EYS: variants seen among roughly 807,000 people sequenced by gnomAD.
EYS encodes the protein protein eyes shut homolog.
In EYS, 250 loss-of-function variants were observed where a neutral mutation model predicts 282.1. The ratio of observed to expected loss-of-function variants is 0.89; its 90% confidence interval spans 0.80 to 0.98. The LOEUF is 0.98. EYS is among the 50% of genes least tolerant of loss of function. The probability of loss-of-function intolerance (pLI) is 0.00; values close to 1 mark genes in which losing one functional copy is unlikely to be tolerated. For synonymous variants in EYS, 1,355 were observed against 1,282.9 expected, an observed-to-expected ratio of 1.06 and a Z score of -1.20; for missense variants, 4,016 against 3,709.0, an observed-to-expected ratio of 1.08 and a Z score of -2.15.
chr6:65,295,979 T>C lies in EYS; in HGVS notation c.1907A>G (p.Glu636Gly). The C allele has an allele frequency of 6.4e-7, 1 of 1,551,326 alleles. No individual in the cohort carries two copies. Among genetic ancestry groups the C allele is most frequent in the South Asian group, 1.2e-5 (1 of 84,052 alleles). The change falls in exon 12 of 43, where the codon GAA (glutamate) becomes GGA (glycine). Residue 636 changes from glutamate to glycine, a missense_variant. Glu to Gly is a moderately conservative substitution (Grantham distance 98). Coordinates refer to ENST00000503581, the MANE Select transcript of EYS (RefSeq NM_001142800.2). ...AGTATCTATCTCACAGATGTTCCTTTCATATCTTTGCAGACCGCTACAGTT... is the reference window on the plus strand; with the variant it reads ...AGTATCTATCTCACAGATGTTCCTTCCATATCTTTGCAGACCGCTACAGTT... Reference protein sequence around the residue: ...NCNCSGLQRYERNICEIDTED... With the variant: ...NCNCSGLQRYGRNICEIDTED...
intron 41 of EYS, among the ~76,000 whole-genome samples, chr6:63,762,186 C>T (rs969565239): frequency 1.3e-5 from 2 of 151,618 alleles, no homozygotes; most frequent in African/African-American, 4.8e-5. Flanking sequence ...CTTGACTTAA[C>T]TGCATTTAGC....
rs139390911 is a variant in EYS at position 65,253,575 on chromosome 6, C to T, written c.2023+42288G>A. ...CATAAGACTGAGATATTTTATAAGT[C>T]ATATACATATTATTGTGAATGACAT... On this transcript the variant is annotated intron_variant, in intron 12 of 42. Transcript: ENST00000503581. Among the ~76,000 whole-genome samples, 180 of 151,812 alleles carry T rather than the reference C, an allele frequency of 1.2e-3. 1 individual carries two copies. Among genetic ancestry groups the T allele is most frequent in the Middle Eastern group, 6.8e-3 (2 of 292 alleles).
At chr6:65,083,192 C>T (rs1561956948) in intron 12 of EYS, among the ~76,000 whole-genome samples, 1 of 151,970 alleles carries the variant, frequency 6.6e-6, no homozygotes, top group African/African-American at 2.4e-5. Flanking sequence ...GTATTAGACT[C>T]ACGAACCTTT....
chr6:64,497,979 A>G (rs1212525902), intron 26 of EYS, among the ~76,000 whole-genome samples: 1 of 152,126 alleles, frequency 6.6e-6, no homozygotes, highest in African/African-American at 2.4e-5. Flanking sequence ...AAGGAAAACC[A>G]AACACACCAA....
chr6:63,979,942 C>T (rs1289979123), intron 35 of EYS, among the ~76,000 whole-genome samples: 1 of 151,894 alleles, frequency 6.6e-6, no homozygotes, highest in Non-Finnish European at 1.5e-5. Flanking sequence ...TTCCTTAATA[C>T]TTTTCAACAT....
chr6:64,839,018 T>C (rs1765479020), intron 19 of EYS, among the ~76,000 whole-genome samples: 1 of 152,076 alleles, frequency 6.6e-6, no homozygotes, highest in African/African-American at 2.4e-5. Context: ...GGCTTAATTT[T>C]ACCTACTTCT....
chr6:63,778,757 C>G (rs1011261860), intron 39 of EYS, among the ~76,000 whole-genome samples: 5 of 152,014 alleles, frequency 3.3e-5, no homozygotes, highest in Non-Finnish European at 5.9e-5. Flanking sequence ...TGAAGTATGC[C>G]TAAGTGTCCC....
At chr6:63,737,836 TCTGA>T (rs1489817776) in intron 41 of EYS, among the ~76,000 whole-genome samples, 1 of 152,122 alleles carries the variant, frequency 6.6e-6, no homozygotes, top group Admixed American at 6.6e-5. Flanking sequence ...AACCTACTCA[TCTGA>T]CTAAGGGCTA....
At chr6:64,494,379 T>G (rs951323901) in intron 26 of EYS, among the ~76,000 whole-genome samples, 19 of 151,690 alleles carry the variant, frequency 1.3e-4, no homozygotes, top group African/African-American at 4.3e-4. Context: ...CTACTTTCTC[T>G]GAGGCATCTT....
intron 31 of EYS, among the ~76,000 whole-genome samples, chr6:64,197,868 G>T (rs1048935340): frequency 2.6e-5 from 4 of 151,494 alleles, no homozygotes; most frequent in Admixed American, 2.6e-4. Flanking sequence ...GCTGGGCTTT[G>T]ACTCTTAATG....
intron 22 of EYS, among the ~76,000 whole-genome samples, chr6:64,800,052 GA>G (rs879900589): frequency 2.8e-4 from 43 of 151,950 alleles, no homozygotes; most frequent in Non-Finnish European, 4.7e-4. Context: ...CTGCTGAACT[GA>G]AAAATTTTGG....
intron 28 of EYS, among the ~76,000 whole-genome samples, chr6:64,429,996 T>C (rs946447657): frequency 6.6e-6 from 1 of 152,218 alleles, no homozygotes; most frequent in African/African-American, 2.4e-5. Flanking sequence ...ACAAATTTTT[T>C]ATTTTTTGGA....
intron 22 of EYS, among the ~76,000 whole-genome samples, chr6:64,740,457 G>C (rs1386482058): frequency 6.6e-6 from 1 of 152,076 alleles, no homozygotes; most frequent in Non-Finnish European, 1.5e-5. Flanking sequence ...GAGCAAAATA[G>C]TTTCTGTGTC....
intron 5 of EYS, among the ~76,000 whole-genome samples, chr6:65,442,253 A>G (rs1019044274): frequency 1.3e-5 from 2 of 151,982 alleles, no homozygotes; most frequent in African/African-American, 4.8e-5. Context: ...CTAAATATCT[A>G]TATCTTATAG....
At chr6:65,271,128 TTATATATATA>T (rs70999188) in intron 12 of EYS, among the ~76,000 whole-genome samples, 6,319 of 55,782 alleles carry the variant, frequency 0.11, 573 homozygotes, top group South Asian at 0.22. Context: ...AATCAATAGA[TTATATATATA>T]TATATATATA....
intron 22 of EYS, among the ~76,000 whole-genome samples, chr6:64,746,982 C>A (rs1310280838): frequency 2.6e-5 from 4 of 152,186 alleles, no homozygotes; most frequent in East Asian, 1.9e-4. Context: ...GCTTTCCTGC[C>A]TGGAGCTGTC....
intron 8 of EYS, among the ~76,000 whole-genome samples, chr6:65,355,962 C>A (rs1010434399): frequency 1.3e-5 from 2 of 152,002 alleles, no homozygotes; most frequent in African/African-American, 2.4e-5. Flanking sequence ...TTTGATCCAG[C>A]AATTGCACTA....
intron 12 of EYS, among the ~76,000 whole-genome samples, chr6:65,151,602 C>T (rs774809571): frequency 7.9e-5 from 12 of 151,922 alleles, no homozygotes; most frequent in Non-Finnish European, 1.5e-4. Context: ...GCCCTCAGTC[C>T]ATCACAAATA....
chr6:65,521,786 C>T (rs1039004598), intron 2 of EYS, among the ~76,000 whole-genome samples: 6 of 152,062 alleles, frequency 3.9e-5, no homozygotes, highest in Admixed American at 3.9e-4. Flanking sequence ...AATGCCACTC[C>T]GTGTTAAGGG....
Sources: allele counts gnomAD v4.1 joint callset (sites outside exome capture counted in the v4.1 genomes callset), GRCh38; gene constraint gnomAD v4.1.1; transcripts MANE v1.5; gene names NCBI Gene and HGNC (gene_info 2026-07-23, HGNC 2026-07-21).